Variants in FAM90A20 observed in about 807,000 individuals in gnomAD.
FAM90A20 encodes protein FAM90A20.
the FAM90A20 span, chr8:7,297,455 C>G: frequency 2.6e-5 from 41 of 1,551,470 alleles, 3 homozygotes; most frequent in Non-Finnish European, 2.9e-5. Context: ...AGCCGCCACA[C>G]ACAGCTTGGG....
At chr8:7,297,472 C>G in the FAM90A20 span, 2 of 1,543,486 alleles carry the variant, frequency 1.3e-6, no homozygotes, top group South Asian at 1.1e-5. Context: ...TGGGCCTAGG[C>G]TCCAATCTCA....
the FAM90A20 span, chr8:7,297,241 A>T: frequency 3.4e-5 from 50 of 1,490,580 alleles, 3 homozygotes; most frequent in African/African-American, 4.1e-5. Flanking sequence ...AAAGACAGAC[A>T]GGGGCTGCCG....
chr8:7,297,494 G>T, the FAM90A20 span: 3 of 1,525,872 alleles, frequency 2.0e-6, no homozygotes, highest in Admixed American at 5.1e-5. Flanking sequence ...CTTTGGGTCA[G>T]GAGCCAAGAG....
the FAM90A20 span, chr8:7,296,387 A>C: frequency 1.3e-6 from 1 of 746,080 alleles, no homozygotes; most frequent in South Asian, 1.4e-5. Flanking sequence ...GAATCTTCTG[A>C]TTATCTGAGG....
the FAM90A20 span, chr8:7,296,427 T>C: frequency 2.8e-6 from 2 of 726,614 alleles, no homozygotes; most frequent in South Asian, 1.4e-5. Context: ...CCTGGTCCTT[T>C]TATCCTCTAG....
chr8:7,297,829 A>G, the FAM90A20 span: 2 of 1,052,894 alleles, frequency 1.9e-6, no homozygotes, highest in African/African-American at 2.5e-5. Context: ...GGAGACTGGA[A>G]AACGGACGCT....
the FAM90A20 span, chr8:7,297,454 A>C: frequency 3.9e-6 from 6 of 1,552,476 alleles, no homozygotes; most frequent in South Asian, 1.1e-5. Flanking sequence ...CAGCCGCCAC[A>C]CACAGCTTGG....
chr8:7,297,538 C>G, the FAM90A20 span: 3 of 1,524,990 alleles, frequency 2.0e-6, no homozygotes, highest in Non-Finnish European at 1.8e-6. Flanking sequence ...CTTGCCTGAA[C>G]TTCCCCAAGA....
the FAM90A20 span, chr8:7,297,935 G>C: frequency 1.4e-6 from 1 of 699,102 alleles, no homozygotes. Flanking sequence ...GAAGTCTGAG[G>C]CTCCCTGTGT....
At chr8:7,296,372 C>T in the FAM90A20 span, 1 of 744,874 alleles carries the variant, frequency 1.3e-6, no homozygotes, top group Non-Finnish European at 2.4e-6. Flanking sequence ...GGAAAAGGAT[C>T]CACGGAATCT....
chr8:7,297,469 A>C, the FAM90A20 span: 219 of 1,545,828 alleles, frequency 1.4e-4, 12 homozygotes, highest in South Asian at 7.2e-4. Context: ...GCTTGGGCCT[A>C]GGCTCCAATC....
the FAM90A20 span, among the ~76,000 whole-genome samples, chr8:7,296,774 A>C: frequency 7.4e-6 from 1 of 136,004 alleles, no homozygotes; most frequent in East Asian, 2.0e-4. Context: ...AGTCCGTTCC[A>C]CTTCATGGAA....
At chr8:7,297,702 G>A in the FAM90A20 span, 12 of 1,436,316 alleles carry the variant, frequency 8.4e-6, 3 homozygotes, top group African/African-American at 2.1e-5. Flanking sequence ...CAGGTGCCCA[G>A]CGTTGAACGG....
At chr8:7,297,773 C>G in the FAM90A20 span, 4 of 1,440,814 alleles carry the variant, frequency 2.8e-6, no homozygotes, top group Non-Finnish European at 3.8e-6. Context: ...GTCCCATCAC[C>G]CAGCGGCCAG....
chr8:7,295,844 G>A, the FAM90A20 span: 12 of 742,862 alleles, frequency 1.6e-5, no homozygotes, highest in Admixed American at 1.9e-4. Flanking sequence ...AGCAGTGGGA[G>A]GGGTTTTCAC....
the FAM90A20 span, chr8:7,297,373 C>T: frequency 4.7e-6 from 7 of 1,489,676 alleles, 1 homozygote; most frequent in South Asian, 4.5e-5. Context: ...CCAAAACCCA[C>T]GGCCTGCTCC....
chr8:7,297,772 C>A, the FAM90A20 span: 3 of 1,456,836 alleles, frequency 2.1e-6, no homozygotes, highest in South Asian at 1.1e-5. Context: ...TGTCCCATCA[C>A]CCAGCGGCCA....
At chr8:7,297,196 C>G in the FAM90A20 span, 1 of 1,536,194 alleles carries the variant, frequency 6.5e-7, no homozygotes, top group Non-Finnish European at 8.8e-7. Flanking sequence ...TCAGAAAAGC[C>G]AGTCTGAGCT....
At chr8:7,297,443 T>C in the FAM90A20 span, 3,546 of 1,552,214 alleles carry the variant, frequency 2.3e-3, 255 homozygotes, top group South Asian at 0.017. Flanking sequence ...GCCCTGCCCA[T>C]CAGCCGCCAC....
Sources: gnomAD v4.1 joint callset for allele counts (sites outside exome capture counted in the v4.1 genomes callset) on GRCh38, gnomAD v4.1.1 for gene constraint, MANE v1.5 for transcripts, NCBI Gene and HGNC (gene_info 2026-07-23, HGNC 2026-07-21) for gene names.